The following DTNA variants were observed in gnomAD, a reference collection of about 807,000 sequenced individuals.
The protein encoded by DTNA is dystrophin-related protein 3.
Under a neutral mutation model 100.7 loss-of-function variants are expected in DTNA, and 43 were observed. The ratio of observed to expected loss-of-function variants is 0.43; its 90% confidence interval spans 0.33 to 0.55. The LOEUF is 0.55. DTNA is among the 20% of genes least tolerant of loss of function. The probability of loss-of-function intolerance (pLI) is 0.04; values close to 1 mark genes in which losing one functional copy is unlikely to be tolerated. For missense variants in DTNA, 798 were observed against 953.9 expected, an observed-to-expected ratio of 0.84 and a Z score of 2.15; for synonymous variants, 349 against 347.9, an observed-to-expected ratio of 1.00 and a Z score of -0.04.
chr18:34,864,414 C>T (rs376586072), intron 17 of DTNA, among the ~76,000 whole-genome samples: 30 of 152,188 alleles, frequency 2.0e-4, no homozygotes, highest in African/African-American at 3.4e-4. Context: ...CCACCGCGCC[C>T]GGCTAATGTT....
chr18:34,801,152 C>T (rs925419487), intron 4 of DTNA, among the ~76,000 whole-genome samples: 5 of 152,068 alleles, frequency 3.3e-5, no homozygotes, highest in African/African-American at 1.2e-4. Flanking sequence ...AGTGAGAAAA[C>T]AAAATGTAAA....
chr18:34,820,630 G>A (rs1436902854), intron 8 of DTNA, among the ~76,000 whole-genome samples, 161 bp from the exon 9 acceptor site: 1 of 152,128 alleles, frequency 6.6e-6, no homozygotes, highest in Admixed American at 6.5e-5. Flanking sequence ...CAGCTTGTTC[G>A]GAAACTCTTT....
intron 1 of DTNA, among the ~76,000 whole-genome samples, chr18:34,736,585 A>C (rs762779285): frequency 2.6e-5 from 4 of 152,214 alleles, no homozygotes; most frequent in African/African-American, 9.6e-5. Flanking sequence ...CAACTTTATA[A>C]AGATAAAAAT....
chr18:34,493,741 G>A (rs1329998284), intron 1 of DTNA, among the ~76,000 whole-genome samples: 2 of 148,850 alleles, frequency 1.3e-5, no homozygotes, highest in Non-Finnish European at 1.5e-5. Context: ...GGACACAGGC[G>A]GCTCGGCGCT....
chr18:34,879,596 G>A lies in DTNA; in HGVS notation c.2039G>A (p.Arg680Gln), dbSNP rs138143719. 2.2e-4 allele frequency: 357 copies of A among 1,613,848 alleles called. No homozygotes were observed. The highest frequency in any genetic ancestry group is 2.8e-4 in the Non-Finnish European group (334 of 1,179,978). The change falls in exon 20 of 23, where the codon CGG becomes CAG. Residue 680 changes from arginine to glutamine, a missense_variant. By Grantham distance (43) the Arg-to-Gln change is conservative (BLOSUM62 1). Around this residue, in one of 6 missense-constraint regions of DTNA, gnomAD observed 242 missense variants for 238.2 expected, o/e 1.02. Coordinates refer to ENST00000444659, the MANE Select transcript of DTNA (RefSeq NM_001386795.1). ...AGTAATGTGGATTCTGAATTTGCAC[G>A]GACTCAGTTTGAGGATCTTGTTCCC... ...TESNVDSEFA[R>Q]TQFEDLVPSP...
At chr18:34,677,768 G>A (rs1050799779) in intron 1 of DTNA, among the ~76,000 whole-genome samples, 1 of 152,102 alleles carries the variant, frequency 6.6e-6, no homozygotes, top group African/African-American at 2.4e-5. Flanking sequence ...TTCAAAGAAT[G>A]TCAAACAGAA....
At chr18:34,690,411 C>T (rs1368545161) in intron 1 of DTNA, among the ~76,000 whole-genome samples, 1 of 152,218 alleles carries the variant, frequency 6.6e-6, no homozygotes, top group African/African-American at 2.4e-5. Context: ...TCTTGCGCTT[C>T]CCGGGTGAGG....
At chr18:34,521,616 G>A (rs116818022) in intron 1 of DTNA, among the ~76,000 whole-genome samples, 1 of 151,918 alleles carries the variant, frequency 6.6e-6, no homozygotes, top group Non-Finnish European at 1.5e-5. Context: ...CCGTCCCTCT[G>A]CTTCACTGCT....
intron 5 of DTNA, among the ~76,000 whole-genome samples, chr18:34,807,175 G>A (rs764472489): frequency 1.3e-5 from 2 of 152,208 alleles, no homozygotes; most frequent in African/African-American, 2.4e-5. Context: ...TTAAAATGAT[G>A]TTGATGCCGC....
intron 5 of DTNA, 133 bp from the exon 6 acceptor site, chr18:34,811,826 T>A: frequency 9.5e-7 from 1 of 1,048,740 alleles, no homozygotes; most frequent in Non-Finnish European, 1.4e-6. Context: ...AGCATAAAAA[T>A]TAGCTTTTAT....
intron 1 of DTNA, among the ~76,000 whole-genome samples, chr18:34,568,564 C>CA (rs568214471): frequency 1.3e-3 from 198 of 152,182 alleles, no homozygotes; most frequent in African/African-American, 4.6e-3. Context: ...ATAAAAGTCT[C>CA]AATTTATTAT....
chr18:34,619,969 C>T (rs980266808), intron 1 of DTNA, among the ~76,000 whole-genome samples: 25 of 151,938 alleles, frequency 1.6e-4, no homozygotes, highest in Middle Eastern at 3.2e-3. Flanking sequence ...AATAATTAGC[C>T]AAAGAGATGG....
chr18:34,778,248 T>C (rs2094151410), intron 3 of DTNA, among the ~76,000 whole-genome samples: 1 of 152,152 alleles, frequency 6.6e-6, no homozygotes, highest in Non-Finnish European at 1.5e-5. Flanking sequence ...CTTAAAAATA[T>C]AAATATCAAA....
intron 1 of DTNA, among the ~76,000 whole-genome samples, chr18:34,653,843 C>CA (rs1332503614): frequency 1.3e-5 from 2 of 151,874 alleles, no homozygotes; most frequent in East Asian, 1.9e-4. Context: ...ACAATAAAAA[C>CA]AAAAAATACC....
intron 10 of DTNA, 24 bp from the exon 11 acceptor site, chr18:34,829,376 G>A: frequency 6.5e-7 from 1 of 1,534,914 alleles, no homozygotes; most frequent in Non-Finnish European, 8.7e-7. Context: ...GTTTTAATGA[G>A]GTCTCATTGT....
At chr18:34,876,053 T>G (rs1285200683) in intron 18 of DTNA, among the ~76,000 whole-genome samples, 1 of 152,194 alleles carries the variant, frequency 6.6e-6, no homozygotes, top group African/African-American at 2.4e-5. Context: ...AATAAAAAAA[T>G]CATTCTGTAG....
chr18:34,822,551 A>G (rs1370333093), intron 9 of DTNA: 1 of 152,488 alleles, frequency 6.6e-6, no homozygotes, highest in East Asian at 1.9e-4. Context: ...ACTGCAACGT[A>G]AAAGTCCATT....
At chr18:34,821,523 A>C (rs765846896) in intron 9 of DTNA, 3 of 456,340 alleles carry the variant, frequency 6.6e-6, no homozygotes, top group Middle Eastern at 3.2e-4. Flanking sequence ...CAGTCCTTCC[A>C]GCCATCCCTG....
chr18:34,823,065 A>C (rs1052525333), intron 9 of DTNA, among the ~76,000 whole-genome samples: 1 of 152,208 alleles, frequency 6.6e-6, no homozygotes, highest in African/African-American at 2.4e-5. Flanking sequence ...ATTTTTAGCC[A>C]TAGAAATTTT....
Sources: gnomAD v4.1 joint callset for allele counts (sites outside exome capture counted in the v4.1 genomes callset) on GRCh38, gnomAD v4.1.1 for gene constraint, gnomAD v4.1.1 regional missense constraint, MANE v1.5 for transcripts, NCBI Gene and HGNC (gene_info 2026-07-23, HGNC 2026-07-21) for gene names.